Variants in HS6ST3 observed in about 807,000 individuals in gnomAD.
The protein encoded by HS6ST3 is heparan-sulfate 6-O-sulfotransferase 3.
In HS6ST3, 12 loss-of-function variants were observed where a neutral mutation model predicts 36.7. The ratio of observed to expected loss-of-function variants is 0.33; its 90% confidence interval spans 0.21 to 0.53. The LOEUF is 0.53. Among genes scored for constraint, HS6ST3 ranks in the 20% least tolerant of loss-of-function variants. The pLI, the probability that HS6ST3 is intolerant of heterozygous loss-of-function variation, is 0.95. For synonymous variants in HS6ST3, 240 were observed against 257.5 expected (o/e 0.93, Z 0.65); for missense variants, 584 against 640.9 (o/e 0.91, Z 0.96).
At chr13:96,722,555 C>A (rs74107168) in intron 1 of HS6ST3, among the ~76,000 whole-genome samples, 1,539 of 152,270 alleles carry the variant, frequency 0.01, 31 homozygotes, top group African/African-American at 0.035. Flanking sequence ...CGCTTTGGAT[C>A]CAGACAGATC....
intron 1 of HS6ST3, among the ~76,000 whole-genome samples, chr13:96,174,100 A>G (rs1442558636): frequency 6.6e-6 from 1 of 152,164 alleles, no homozygotes; most frequent in Non-Finnish European, 1.5e-5. Flanking sequence ...GCATGTAAAT[A>G]CTAGCTAATC....
intron 1 of HS6ST3, among the ~76,000 whole-genome samples, chr13:96,652,434 C>G (rs1324963457): frequency 6.6e-6 from 1 of 151,300 alleles, no homozygotes; most frequent in Non-Finnish European, 1.5e-5. Context: ...CCCTCATGTC[C>G]TTCCCTCCAC....
At chr13:96,629,633 T>C (rs1029336585) in intron 1 of HS6ST3, among the ~76,000 whole-genome samples, 5 of 152,210 alleles carry the variant, frequency 3.3e-5, no homozygotes, top group African/African-American at 1.2e-4. Context: ...GTGATATTTA[T>C]TTTATTCTGT....
chr13:96,497,630 A>C (rs1187319036), intron 1 of HS6ST3, among the ~76,000 whole-genome samples: 1 of 152,150 alleles, frequency 6.6e-6, no homozygotes, highest in Non-Finnish European at 1.5e-5. Flanking sequence ...GATCCTTTGA[A>C]AATAAAATCT....
chr13:96,522,364 G>T (rs900120758), intron 1 of HS6ST3, among the ~76,000 whole-genome samples: 1 of 152,114 alleles, frequency 6.6e-6, no homozygotes, highest in African/African-American at 2.4e-5. Context: ...TGTCTATTAG[G>T]TCTGCTTGGT....
At chr13:96,199,115 G>A (rs187720408) in intron 1 of HS6ST3, among the ~76,000 whole-genome samples, 8 of 152,196 alleles carry the variant, frequency 5.3e-5, no homozygotes, top group East Asian at 1.9e-4. Flanking sequence ...TGAGAATAGC[G>A]TGGAAAAGAC....
chr13:96,674,009 A>G (rs537044659), intron 1 of HS6ST3, among the ~76,000 whole-genome samples: 190 of 152,276 alleles, frequency 1.2e-3, no homozygotes, highest in African/African-American at 4.2e-3. Flanking sequence ...AAAGCCAATC[A>G]CAATGTGAGT....
intron 1 of HS6ST3, among the ~76,000 whole-genome samples, chr13:96,120,518 A>C (rs1318933144): frequency 6.6e-6 from 1 of 152,162 alleles, no homozygotes; most frequent in South Asian, 2.1e-4. Context: ...ATATTCCTTC[A>C]ATTTATTTCC....
chr13:96,221,920 A>T (rs902254386), intron 1 of HS6ST3, among the ~76,000 whole-genome samples: 620 of 152,352 alleles, frequency 4.1e-3, no homozygotes, highest in Non-Finnish European at 7.2e-3. Flanking sequence ...ATGGAAAAAA[A>T]TCAATCAACC....
At chr13:96,111,167 A>G (rs1274884969) in intron 1 of HS6ST3, among the ~76,000 whole-genome samples, 1 of 152,240 alleles carries the variant, frequency 6.6e-6, no homozygotes, top group African/African-American at 2.4e-5. Context: ...CAAAGGGGGT[A>G]GATTTACAAT....
chr13:96,711,917 A>G (rs541148716), intron 1 of HS6ST3, among the ~76,000 whole-genome samples: 3 of 152,358 alleles, frequency 2.0e-5, no homozygotes, highest in African/African-American at 7.2e-5. Context: ...TGTTCTGCAT[A>G]AAGAATGACA....
At chr13:96,829,324 CTTT>C (rs893005040) in intron 1 of HS6ST3, among the ~76,000 whole-genome samples, 13 of 146,928 alleles carry the variant, frequency 8.8e-5, no homozygotes, top group South Asian at 6.5e-4. Flanking sequence ...TTCAATTTTT[CTTT>C]TTTTTTTAAT....
intron 1 of HS6ST3, among the ~76,000 whole-genome samples, chr13:96,188,210 G>C (rs1234290726): frequency 6.6e-6 from 1 of 152,206 alleles, no homozygotes; most frequent in Admixed American, 6.5e-5. Flanking sequence ...ACTTGACATA[G>C]TATGATATGT....
At chr13:96,519,009 TAG>T (rs1260184919) in intron 1 of HS6ST3, among the ~76,000 whole-genome samples, 1 of 152,214 alleles carries the variant, frequency 6.6e-6, no homozygotes, top group Admixed American at 6.5e-5. Context: ...TTAGAATAGT[TAG>T]AGAGTTTATG....
intron 1 of HS6ST3, among the ~76,000 whole-genome samples, chr13:96,778,954 T>C (rs181774857): frequency 2.0e-4 from 31 of 152,078 alleles, no homozygotes; most frequent in African/African-American, 7.0e-4. Context: ...ATAAAGAAAA[T>C]GTGGCACATA....
chr13:96,501,891 C>A (rs565973907), intron 1 of HS6ST3, among the ~76,000 whole-genome samples: 2 of 152,328 alleles, frequency 1.3e-5, no homozygotes, highest in African/African-American at 2.4e-5. Flanking sequence ...AGCTAGCATA[C>A]AATTGTAATG....
At chr13:96,523,839 C>G (rs1285695556) in intron 1 of HS6ST3, among the ~76,000 whole-genome samples, 6 of 152,162 alleles carry the variant, frequency 3.9e-5, no homozygotes, top group Non-Finnish European at 8.8e-5. Flanking sequence ...TTATTATCAA[C>G]CTTCTGAAGC....
At chr13:96,381,118 A>G (rs1333100584) in intron 1 of HS6ST3, among the ~76,000 whole-genome samples, 1 of 152,236 alleles carries the variant, frequency 6.6e-6, no homozygotes, top group Non-Finnish European at 1.5e-5. Context: ...ACTGCACAGG[A>G]TAGTAACACA....
intron 1 of HS6ST3, among the ~76,000 whole-genome samples, chr13:96,662,511 A>G (rs1028773405): frequency 5.6e-5 from 4 of 70,812 alleles, no homozygotes; most frequent in Non-Finnish European, 1.0e-4. Flanking sequence ...GTGTGTGTGT[A>G]TGGGGTGTGT....
Sources: gnomAD v4.1 joint callset for allele counts (sites outside exome capture counted in the v4.1 genomes callset) on GRCh38, gnomAD v4.1.1 for gene constraint, MANE v1.5 for transcripts, NCBI Gene and HGNC (gene_info 2026-07-23, HGNC 2026-07-21) for gene names.